The following DCUN1D5 variants were observed in gnomAD, a reference collection of about 807,000 sequenced individuals.
DCUN1D5 encodes DCN1-like protein 5.
In DCUN1D5, 10 loss-of-function variants were observed where a neutral mutation model predicts 38.3. The ratio of observed to expected loss-of-function variants is 0.26; its 90% CI spans 0.16 to 0.44. The LOEUF is 0.44. Among genes scored for constraint, DCUN1D5 ranks in the 20% least tolerant of loss-of-function variants. DCUN1D5 has a pLI of 1.00. For missense variants in DCUN1D5, 148 were observed against 275.3 expected, an observed-to-expected ratio of 0.54 and a Z score of 3.27; for synonymous variants, 93 against 90.9, an observed-to-expected ratio of 1.02 and a Z score of -0.13.
chr11:103,051,666 G>C lies in DCUN1D5; in HGVS notation c.*10693C>G, dbSNP rs1043712326. 6 of 152,072 alleles carry C rather than the reference G, an allele frequency of 3.9e-5. No homozygotes were observed. Among genetic ancestry groups the C allele is most frequent in the Admixed American group, 1.3e-4 (2 of 15,272 alleles). 9.4% of individuals were successfully genotyped at this position (152,072 alleles called of 1,614,324 possible). On this transcript the variant is annotated 3_prime_UTR_variant, in exon 8 of 8. Transcript: ENST00000260247. Reference sequence around the variant, plus strand: ...AAAGCATAGCATTAGGTTTTACTTAGCATTTTACAAACACTTTTAAGTACA... The same window carrying C: ...AAAGCATAGCATTAGGTTTTACTTACCATTTTACAAACACTTTTAAGTACA...
rs1862141765 is a variant in DCUN1D5 at position 103,066,647 on chromosome 11, A to C, written c.342-80T>G. On this transcript the variant is annotated intron_variant, in intron 4 of 7. Transcript: ENST00000260247. This position sits in a 1 kb window ranked among gnomAD's most constrained non-coding sequence, Gnocchi z 4.7. ...TATCACTGGGGGTTAGACGTAATGC[A>C]TTAAGAAAAAAGTGAGCGCATTTAT... The C allele has an allele frequency of 1.3e-6, 1 of 783,102 alleles. No individual in the cohort carries two copies. Among genetic ancestry groups the C allele is most frequent in the Admixed American group, 2.8e-5 (1 of 36,332 alleles). 48.5% of individuals were successfully genotyped at this position (783,102 alleles called of 1,614,324 possible).
chr11:103,070,197 G>A (rs1404377830), intron 4 of DCUN1D5, among the ~76,000 whole-genome samples: 1 of 151,100 alleles, frequency 6.6e-6, no homozygotes, highest in East Asian at 1.9e-4. Flanking sequence ...AAAATACAAG[G>A]TAGCCTTAAG....
chr11:103,091,799 C>T lies in DCUN1D5; in HGVS notation c.74G>A (p.Cys25Tyr), dbSNP rs1475022589. 6 of 1,614,016 alleles carry T rather than the reference C, an allele frequency of 3.7e-6. No individual in the cohort carries two copies. Among genetic ancestry groups the T allele is most frequent in the Non-Finnish European group, 5.1e-6 (6 of 1,179,992 alleles). ...GGGGAGATGGTACCTGGAGATTTTACACTTTTTGAGGCCTCCGTCTTCCGC... is the reference window on the plus strand; with the variant it reads ...GGGGAGATGGTACCTGGAGATTTTATACTTTTTGAGGCCTCCGTCTTCCGC... Reference protein sequence around the residue: ...AVAEDGGLKKCKISSYCRSQP... With the variant: ...AVAEDGGLKKYKISSYCRSQP... The change falls in exon 1 of 8, where the codon TGT becomes TAT. Residue 25 changes from cysteine (C) to tyrosine (Y), a missense_variant. Cys to Tyr is a radical substitution (Grantham distance 194). Transcript: ENST00000260247. This position sits in a 1 kb window ranked among gnomAD's most constrained non-coding sequence, Gnocchi z 4.3.
At position 103,091,641 on chromosome 11, in the gene DCUN1D5, G is replaced by A. The variant is rs754513769; in HGVS notation, c.86+146C>T. On this transcript the variant is annotated intron_variant, in intron 1 of 7. Transcript: ENST00000260247. This position sits in a 1 kb window ranked among gnomAD's most constrained non-coding sequence, Gnocchi z 4.3. ...GGTCGGGTCGGGCGCGGAGACTCGC[G>A]GTGTTCGGCACCTACAGCCTAGCTC... is the stretch of plus-strand genomic sequence containing the variant. 1.4e-6 allele frequency: 2 copies of A among 1,473,150 alleles called. No individual in the cohort carries two copies. Among genetic ancestry groups the A allele is most frequent in the Non-Finnish European group, 1.9e-6 (2 of 1,079,226 alleles). The allele number at this position is 1,473,150 out of a possible 1,614,324, so 91.3% of individuals were successfully genotyped here.
chr11:103,071,621 CAT>C lies in DCUN1D5; in HGVS notation c.342-5056_342-5055del, dbSNP rs1209905929. On this transcript the variant is annotated intron_variant, in intron 4 of 7. Coordinates refer to ENST00000260247, the MANE Select transcript of DCUN1D5 (RefSeq NM_032299.4). This position sits in a 1 kb window ranked among gnomAD's most constrained non-coding sequence, Gnocchi z 4.1. ...TATAGAGATTTTACACAGATTTTTACATAGATATAAAAATTCTACATATGTAA... is the reference window on the plus strand; with the variant it reads ...TATAGAGATTTTACACAGATTTTTACAGATATAAAAATTCTACATATGTAA... 6.7e-6 allele frequency among the ~76,000 whole-genome samples: 1 copy of C among 150,242 alleles called. No individual in the cohort carries two copies. Among genetic ancestry groups the C allele is most frequent in the Non-Finnish European group, 1.5e-5 (1 of 67,562 alleles).
rs192672107 is a variant in DCUN1D5, at chr11:103,053,151, T to A, written c.*9208A>T. On this transcript the variant is annotated 3_prime_UTR_variant, in exon 8 of 8. Coordinates refer to ENST00000260247, the MANE Select transcript of DCUN1D5 (RefSeq NM_032299.4). The surrounding 1 kb of genome is among the most constrained non-coding windows in gnomAD (Gnocchi z 4.8). The stretch of plus-strand genomic sequence containing the variant: ...TTTATTTTTTAATATTTCTCTTTTT[T>A]AAAAATAGAGTCCTTCCTATGAAGT... 1.0e-3 allele frequency: 153 copies of A among 152,268 alleles called. 2 individuals are homozygous for A. The highest frequency in any genetic ancestry group is 2.6e-3 in the African/African-American group (108 of 41,556). 9.4% of individuals were successfully genotyped at this position (152,268 alleles called of 1,614,324 possible).
rs1861978549 is a variant in DCUN1D5, at chr11:103,060,209, G to A, written c.*2150C>T. 6.6e-6 allele frequency among the ~76,000 whole-genome samples: 1 copy of A among 152,112 alleles called. No homozygotes were observed. Among genetic ancestry groups the A allele is most frequent in the African/African-American group, 2.4e-5 (1 of 41,424 alleles). On this transcript the variant is annotated 3_prime_UTR_variant, in exon 8 of 8. Transcript: ENST00000260247. Reference sequence around the variant, plus strand: ...TAGATGGAGCAATAGAGTAAAGCAAGCGTGGCCTCAGTGGTACTGGACTCC... The same window carrying A: ...TAGATGGAGCAATAGAGTAAAGCAAACGTGGCCTCAGTGGTACTGGACTCC...
rs181796079 is a variant in DCUN1D5 at position 103,091,191 on chromosome 11, T to G, written c.86+596A>C. Among the ~76,000 whole-genome samples the G allele has an allele frequency of 2.0e-4, 31 of 152,212 alleles. No homozygotes were observed. The highest frequency in any genetic ancestry group is 8.3e-4 in the South Asian group (4 of 4,810). On this transcript the variant is annotated intron_variant, in intron 1 of 7. Transcript: ENST00000260247. This position sits in a 1 kb window ranked among gnomAD's most constrained non-coding sequence, Gnocchi z 4.3. ...CAACTCTGCACACAGGGACTTGGCA[T>G]AGGTGAGGCACTATACTTCCAGAAA...
At position 103,052,330 on chromosome 11, in the gene DCUN1D5, T is replaced by C. The variant is rs1285255529; in HGVS notation, c.*10029A>G. 1 of 152,150 alleles carries C rather than the reference T, an allele frequency of 6.6e-6. No homozygotes were observed. The highest frequency in any genetic ancestry group is 1.5e-5 in the Non-Finnish European group (1 of 68,018). 9.4% of individuals were successfully genotyped at this position (152,150 alleles called of 1,614,324 possible). A position where few individuals can be genotyped will look rare whatever the true frequency, so the allele number is the denominator to read the frequency against. Reference sequence around the variant, plus strand: ...GTAAGCAAACTCAATTTGCAGGCCATGAGAGATAAGTAAAATACGGTCCAT... The same window carrying C: ...GTAAGCAAACTCAATTTGCAGGCCACGAGAGATAAGTAAAATACGGTCCAT... On this transcript the variant is annotated 3_prime_UTR_variant, in exon 8 of 8. Coordinates refer to ENST00000260247, the MANE Select transcript of DCUN1D5 (RefSeq NM_032299.4).
Position 103,083,171 on chromosome 11 carries a change from C to A in DCUN1D5, c.249+85G>T. 1.4e-6 allele frequency: 1 copy of A among 700,116 alleles called. No individual in the cohort carries two copies. 43.4% of individuals were successfully genotyped at this position (700,116 alleles called of 1,614,324 possible). ...AACATGAAGAAATAAAATCTTCATA[C>A]AAGATTAAAGTGTCTCGATTTTTAG... On this transcript the variant is annotated intron_variant, in intron 3 of 7. Coordinates refer to ENST00000260247, the MANE Select transcript of DCUN1D5 (RefSeq NM_032299.4). This position sits in a 1 kb window ranked among gnomAD's most constrained non-coding sequence, Gnocchi z 4.4.
At position 103,082,753 on chromosome 11, in the gene DCUN1D5, T is replaced by C. The variant is rs1236190990; in HGVS notation, c.336A>G (p.Ser112=). Residue 112 remains serine (S), a synonymous_variant, in exon 4 of 8, where the codon TCA becomes TCG. Transcript: ENST00000260247. ...TKEEWLKGMT[S]LQCDCTEKLQ... is the part of the protein sequence containing the mutation. ...TTTTTAAAAAAATTTCTTACTGTAA[T>C]GAAGTCATTCCCTTTAACCATTCTT... 4 of 1,610,328 alleles carry C rather than the reference T, an allele frequency of 2.5e-6. No homozygotes were observed. The African/African-American group carries it at 5.3e-5, about 22-fold the overall frequency.
chr11:103,089,417 GTTT>G, intron 1 of DCUN1D5, 99 bp from the exon 2 acceptor site: 1 of 945,742 alleles, frequency 1.1e-6, no homozygotes, highest in Non-Finnish European at 1.5e-6. Flanking sequence ...TTAAACAAAG[GTTT>G]TTTTTTTCTT....
rs1485914047 is a variant in DCUN1D5, at chr11:103,058,515, T to C, written c.*3844A>G. Among the ~76,000 whole-genome samples, 1 of 152,196 alleles carries C rather than the reference T, an allele frequency of 6.6e-6. No homozygotes were observed. Among genetic ancestry groups the C allele is most frequent in the Non-Finnish European group, 1.5e-5 (1 of 68,024 alleles). ...AAGGTTTGGGGCAGAAATTCATCTT[T>C]CCACAGTCTGTAAGTTTATCATAAA... On this transcript the variant is annotated 3_prime_UTR_variant, in exon 8 of 8. Transcript: ENST00000260247.
At chr11:103,089,428 C>G in intron 1 of DCUN1D5, 110 bp from the exon 2 acceptor site, 1 of 808,444 alleles carries the variant, frequency 1.2e-6, no homozygotes, top group East Asian at 2.9e-5. Flanking sequence ...TTTTTTTTTT[C>G]TTCGGTTGGC....
rs1015479790 is a variant in DCUN1D5, at chr11:103,078,276, G to C, written c.341+4472C>G. On this transcript the variant is annotated intron_variant, in intron 4 of 7. Coordinates refer to ENST00000260247, the MANE Select transcript of DCUN1D5 (RefSeq NM_032299.4). The surrounding 1 kb of genome is among the most constrained non-coding windows in gnomAD (Gnocchi z 4.6). ...GTATTTCACCCTTGCTCCAACACCA[G>C]ACTTTCAGCTAGCAGATATGAGAAA... is the stretch of plus-strand genomic sequence containing the variant. Among the ~76,000 whole-genome samples the C allele has an allele frequency of 6.6e-6, 1 of 152,112 alleles. No individual in the cohort carries two copies. The highest frequency in any genetic ancestry group is 2.4e-5 in the African/African-American group (1 of 41,410).
In DCUN1D5 at chr11:103,065,799, C is replaced by A. The variant is rs2509119; in HGVS notation, c.555+470G>T. Among the ~76,000 whole-genome samples the A allele has an allele frequency of 0.32, 48,344 of 151,794 alleles. 8,578 individuals are homozygous for A. The highest frequency in any genetic ancestry group is 0.49 in the African/African-American group (20,137 of 41,378). Reference sequence around the variant, plus strand: ...ATTATAGCCATTCTCATATTTGTGGCCATAAAATATTAATAGCTTTATTCT... The same window carrying A: ...ATTATAGCCATTCTCATATTTGTGGACATAAAATATTAATAGCTTTATTCT... On this transcript the variant is annotated intron_variant, in intron 6 of 7. Transcript: ENST00000260247. This position sits in a 1 kb window ranked among gnomAD's most constrained non-coding sequence, Gnocchi z 4.6.
rs1291533883 is a variant in DCUN1D5 at position 103,055,157 on chromosome 11, G to T, written c.*7202C>A. The T allele has an allele frequency of 6.6e-6, 1 of 152,050 alleles. No individual in the cohort carries two copies. Among genetic ancestry groups the T allele is most frequent in the Non-Finnish European group, 1.5e-5 (1 of 67,992 alleles). 9.4% of individuals were successfully genotyped at this position (152,050 alleles called of 1,614,324 possible). On this transcript the variant is annotated 3_prime_UTR_variant, in exon 8 of 8. Coordinates refer to ENST00000260247, the MANE Select transcript of DCUN1D5 (RefSeq NM_032299.4). ...TCTCTTGGGAACAGAGTAAACTGTTGTACACCTGCATTTTGACTGTGACCC... is the reference window on the plus strand; with the variant it reads ...TCTCTTGGGAACAGAGTAAACTGTTTTACACCTGCATTTTGACTGTGACCC...
At chr11:103,068,897 T>C (rs1282380065) in intron 4 of DCUN1D5, among the ~76,000 whole-genome samples, 1 of 152,126 alleles carries the variant, frequency 6.6e-6, no homozygotes, top group Non-Finnish European at 1.5e-5. Context: ...TTTCAGTATT[T>C]ACTTGTATAT....
At position 103,054,524 on chromosome 11, in the gene DCUN1D5, A is replaced by C. The variant is rs1311254754; in HGVS notation, c.*7835T>G. On this transcript the variant is annotated 3_prime_UTR_variant, in exon 8 of 8. Coordinates refer to ENST00000260247, the MANE Select transcript of DCUN1D5 (RefSeq NM_032299.4). Reference sequence around the variant, plus strand: ...GGGAAAAAGACATTTAAATAGATACAGCACAAGATATTAAGTGCTGTAAGA... The same window carrying C: ...GGGAAAAAGACATTTAAATAGATACCGCACAAGATATTAAGTGCTGTAAGA... The C allele has an allele frequency of 6.6e-6, 1 of 152,190 alleles. No homozygotes were observed. Among genetic ancestry groups the C allele is most frequent in the Non-Finnish European group, 1.5e-5 (1 of 68,018 alleles). 9.4% of individuals were successfully genotyped at this position (152,190 alleles called of 1,614,324 possible).
Sources: allele counts gnomAD v4.1 joint callset (sites outside exome capture counted in the v4.1 genomes callset), GRCh38; gene constraint gnomAD v4.1.1; non-coding constraint Gnocchi (gnomAD v3.1); transcripts MANE v1.5; gene names NCBI Gene and HGNC (gene_info 2026-07-23, HGNC 2026-07-21).